UNC5D: variants seen among roughly 807,000 people sequenced by gnomAD.
UNC5D encodes the protein netrin receptor UNC5D.
A neutral mutation model predicts 105.4 loss-of-function variants in UNC5D; 39 were observed. The observed-to-expected ratio is 0.37, with a 90% CI of 0.29 to 0.48. The LOEUF (loss-of-function observed/expected upper bound fraction) is 0.48, where lower values mean the gene tolerates loss of function less well. UNC5D is among the 20% of genes least tolerant of loss of function. The probability of loss-of-function intolerance (pLI) is 0.98; values close to 1 mark genes in which losing one functional copy is unlikely to be tolerated. For synonymous variants in UNC5D, 452 were observed against 450.4 expected (o/e 1.00, Z -0.04); for missense variants, 991 against 1,202.4 (o/e 0.82, Z 2.60).
chr8:35,771,944 T>TG (rs2131731055), intron 15 of UNC5D, among the ~76,000 whole-genome samples: 1 of 152,316 alleles, frequency 6.6e-6, no homozygotes, highest in East Asian at 1.9e-4. Flanking sequence ...ATTAGGAAGT[T>TG]GGGGCTGAGA....
At chr8:35,249,723 A>T (rs1803564161) in intron 1 of UNC5D, among the ~76,000 whole-genome samples, 1 of 152,100 alleles carries the variant, frequency 6.6e-6, no homozygotes. Context: ...TATAGAGCTT[A>T]TGAAACTCTT....
At chr8:35,292,804 C>T (rs1247817763) in intron 1 of UNC5D, among the ~76,000 whole-genome samples, 1 of 147,702 alleles carries the variant, frequency 6.8e-6, no homozygotes, top group African/African-American at 2.5e-5. Context: ...ACAACCTCTG[C>T]CTCCTGGGTT....
chr8:35,716,827 C>T (rs1828274189), intron 8 of UNC5D, among the ~76,000 whole-genome samples: 1 of 152,136 alleles, frequency 6.6e-6, no homozygotes, highest in Non-Finnish European at 1.5e-5. Flanking sequence ...TTTTCTGATG[C>T]ATCAAATTAA....
intron 1 of UNC5D, among the ~76,000 whole-genome samples, chr8:35,494,229 A>G (rs1206456010): frequency 1.3e-5 from 2 of 152,178 alleles, no homozygotes; most frequent in Non-Finnish European, 2.9e-5. Context: ...TATTTCTGAT[A>G]ATAAAGTATC....
intron 1 of UNC5D, among the ~76,000 whole-genome samples, chr8:35,528,381 A>G (rs1765621620): frequency 6.6e-6 from 1 of 150,952 alleles, no homozygotes; most frequent in South Asian, 2.1e-4. Flanking sequence ...CAAACTCATC[A>G]TTTTTTATGG....
chr8:35,616,220 T>G lies in UNC5D; in HGVS notation c.570+20563T>G, dbSNP rs115479369. On this transcript the variant is annotated intron_variant, in intron 4 of 16. Transcript: ENST00000404895. ...GATACCGAGTGATCTGTGCCAATAT[T>G]TGTATCAGACAGCCTGACTTCAGAG... is the stretch of plus-strand genomic sequence containing the variant. 6.3e-3 allele frequency among the ~76,000 whole-genome samples: 965 copies of G among 152,314 alleles called. 8 individuals are homozygous for G. Among genetic ancestry groups the G allele is most frequent in the African/African-American group, 0.022 (933 of 41,566 alleles).
chr8:35,576,994 T>C (rs2130823774), intron 3 of UNC5D, among the ~76,000 whole-genome samples: 1 of 152,304 alleles, frequency 6.6e-6, no homozygotes, highest in African/African-American at 2.4e-5. Context: ...CCTTAAGCCC[T>C]TTACTGAGAA....
At chr8:35,595,698 G>T (rs1192139175) in intron 4 of UNC5D, 41 bp downstream of exon 4, 2 of 1,587,300 alleles carry the variant, frequency 1.3e-6, no homozygotes, top group Admixed American at 3.3e-5. Context: ...GAGGAACCAG[G>T]CCTGTTCCCA....
intron 3 of UNC5D, among the ~76,000 whole-genome samples, chr8:35,586,689 A>G (rs1818816145): frequency 6.6e-6 from 1 of 152,226 alleles, no homozygotes; most frequent in Admixed American, 6.5e-5. Context: ...ATACCAATGT[A>G]GCTGGACAAC....
chr8:35,618,105 G>A (rs1382880095), intron 4 of UNC5D, among the ~76,000 whole-genome samples: 1 of 152,116 alleles, frequency 6.6e-6, no homozygotes, highest in Non-Finnish European at 1.5e-5. Context: ...ACCTTCTAGA[G>A]GCAGCTCTGG....
intron 1 of UNC5D, among the ~76,000 whole-genome samples, chr8:35,451,234 T>G (rs1026438232): frequency 6.6e-6 from 1 of 151,914 alleles, no homozygotes; most frequent in South Asian, 2.1e-4. Context: ...GTAGAGATAG[T>G]GTTTCTCCAT....
chr8:35,571,765 T>C (rs1477738552), intron 3 of UNC5D, among the ~76,000 whole-genome samples: 1 of 152,210 alleles, frequency 6.6e-6, no homozygotes, highest in Non-Finnish European at 1.5e-5. Flanking sequence ...TAATTCACTA[T>C]GTTTCTTCTT....
chr8:35,757,649 G>A (rs922551486), intron 13 of UNC5D, among the ~76,000 whole-genome samples: 4 of 152,120 alleles, frequency 2.6e-5, no homozygotes, highest in Non-Finnish European at 4.4e-5. Context: ...TCCTGGTGGC[G>A]AGGTTGTTTC....
At chr8:35,704,609 C>T (rs562153997) in intron 7 of UNC5D, among the ~76,000 whole-genome samples, 1 of 152,238 alleles carries the variant, frequency 6.6e-6, no homozygotes, top group South Asian at 2.1e-4. Context: ...AGCCTGGATC[C>T]CTGTAGTCAG....
At position 35,636,880 on chromosome 8, in the gene UNC5D, G is replaced by A. The variant is rs1425296117; in HGVS notation, c.570+41223G>A. Among the ~76,000 whole-genome samples the A allele has an allele frequency of 2.0e-5, 3 of 152,186 alleles. No homozygotes were observed. In the East Asian group the frequency reaches 5.8e-4, roughly 29 times the overall value. ...GTTGCTGTGTGTTTGCTCTGGCAGT[G>A]GGTAAGTCAAAAGGCAGTTTTACAG... On this transcript the variant is annotated intron_variant, in intron 4 of 16. Transcript: ENST00000404895.
At chr8:35,347,671 A>G (rs1450488559) in intron 1 of UNC5D, among the ~76,000 whole-genome samples, 1 of 152,002 alleles carries the variant, frequency 6.6e-6, no homozygotes, top group Non-Finnish European at 1.5e-5. Flanking sequence ...TGCTAAGTTC[A>G]CTTCTGTGAA....
intron 15 of UNC5D, among the ~76,000 whole-genome samples, chr8:35,771,862 T>C (rs1802025905): frequency 6.6e-6 from 1 of 152,192 alleles, no homozygotes; most frequent in Admixed American, 6.6e-5. Flanking sequence ...TTCACCTCTG[T>C]CACAAACTAC....
At chr8:35,551,152 A>G (rs1816107299) in intron 2 of UNC5D, among the ~76,000 whole-genome samples, 1 of 152,182 alleles carries the variant, frequency 6.6e-6, no homozygotes, top group East Asian at 1.9e-4. Context: ...GTAAGCAGAA[A>G]CCAGAACAAG....
intron 1 of UNC5D, among the ~76,000 whole-genome samples, chr8:35,294,392 T>G (rs1336074246): frequency 1.3e-5 from 2 of 152,166 alleles, no homozygotes. Flanking sequence ...GCTTATCTGC[T>G]GCCTCTTAGT....
Sources: allele counts gnomAD v4.1 joint callset (sites outside exome capture counted in the v4.1 genomes callset), GRCh38; gene constraint gnomAD v4.1.1; transcripts MANE v1.5; gene names NCBI Gene and HGNC (gene_info 2026-07-23, HGNC 2026-07-21).